PTPRF: variants seen among roughly 807,000 people sequenced by gnomAD.
PTPRF encodes the protein receptor-type tyrosine-protein phosphatase F.
PTPRF carries 59 observed loss-of-function variants against 201.8 expected under a neutral mutation model. The ratio of observed to expected loss-of-function variants is 0.29; its 90% confidence interval spans 0.24 to 0.36. PTPRF has a LOEUF of 0.36. PTPRF is among the 10% of genes least tolerant of loss of function. The pLI, the probability that PTPRF is intolerant of heterozygous loss-of-function variation, is 1.00. For missense variants in PTPRF, 2,132 were observed against 2,690.5 expected (o/e 0.79, Z 4.59); for synonymous variants, 1,088 against 1,089.7 (o/e 1.00, Z 0.03).
chr1:43,617,363 C>T (rs746622550), intron 23 of PTPRF, 82 bp from the exon 24 acceptor site: 21 of 1,573,838 alleles, frequency 1.3e-5, no homozygotes, highest in Middle Eastern at 2.0e-4. Flanking sequence ...TGAGCATCAC[C>T]GGGAAGGCTG....
chr1:43,590,930 T>C (rs1254906315), intron 8 of PTPRF, 42 bp from the exon 9 acceptor site: 1 of 1,544,100 alleles, frequency 6.5e-7, no homozygotes, highest in Admixed American at 1.8e-5. Flanking sequence ...TTCCTAAGGA[T>C]CTTGACCTCG....
chr1:43,603,098 C>G lies in PTPRF; in HGVS notation c.2341-318C>G, dbSNP rs1322937373. ...GTGCTGGGTGCGTGCGAGGCTGTGCCCTGTTGATATCCTCAGTCTCCGTTC... is the reference window on the plus strand; with the variant it reads ...GTGCTGGGTGCGTGCGAGGCTGTGCGCTGTTGATATCCTCAGTCTCCGTTC... On this transcript the variant is annotated intron_variant, in intron 14 of 33. Transcript: ENST00000359947. This position sits in a 1 kb window ranked among gnomAD's most constrained non-coding sequence, Gnocchi z 5.8. Among the ~76,000 whole-genome samples, 3 of 152,154 alleles carry G rather than the reference C, an allele frequency of 2.0e-5. No individual in the cohort carries two copies. Among genetic ancestry groups the G allele is most frequent in the African/African-American group, 7.2e-5 (3 of 41,434 alleles).
At chr1:43,564,490 C>G in intron 5 of PTPRF, among the ~76,000 whole-genome samples, 1 of 152,190 alleles carries the variant, frequency 6.6e-6, no homozygotes, top group East Asian at 1.9e-4. Context: ...TGCACCGCCT[C>G]TGGATCTGCT....
intron 2 of PTPRF, among the ~76,000 whole-genome samples, chr1:43,544,073 C>T (rs1245533651): frequency 2.0e-5 from 3 of 152,202 alleles, no homozygotes; most frequent in Non-Finnish European, 4.4e-5. Context: ...CCTGCAGGCA[C>T]TTCAGGCCAG....
intron 2 of PTPRF, among the ~76,000 whole-genome samples, chr1:43,540,793 G>T (rs1286318540): frequency 2.0e-5 from 3 of 152,340 alleles, no homozygotes; most frequent in African/African-American, 7.2e-5. Context: ...AGGGAAGGCG[G>T]CCTCACCCTC....
chr1:43,609,568 C>A, intron 22 of PTPRF, 70 bp downstream of exon 22: 1 of 1,176,286 alleles, frequency 8.5e-7, no homozygotes. Context: ...TTCTGCAGGT[C>A]TCAGGGTCGC....
At chr1:43,599,060 C>T in intron 13 of PTPRF, 147 bp downstream of exon 13, 1 of 866,442 alleles carries the variant, frequency 1.2e-6, no homozygotes, top group Non-Finnish European at 1.7e-6. Flanking sequence ...ACCCGAGATG[C>T]TTTGCAGCAT....
chr1:43,533,072 T>G (rs1570862689), intron 1 of PTPRF, among the ~76,000 whole-genome samples: 1 of 152,246 alleles, frequency 6.6e-6, no homozygotes, highest in African/African-American at 2.4e-5. Flanking sequence ...TTATTTGAAA[T>G]GTCTTTATAG....
chr1:43,607,005 T>A, intron 21 of PTPRF, 37 bp downstream of exon 21: 1 of 1,606,488 alleles, frequency 6.2e-7, no homozygotes, highest in South Asian at 1.1e-5. Context: ...AACGGCCACC[T>A]GCCCCTCGCC....
chr1:43,546,825 C>T lies in PTPRF; in HGVS notation c.91+1659C>T, dbSNP rs1644706290. Among the ~76,000 whole-genome samples the T allele has an allele frequency of 6.6e-6, 1 of 152,220 alleles. No individual in the cohort carries two copies. Among genetic ancestry groups the T allele is most frequent in the Non-Finnish European group, 1.5e-5 (1 of 68,036 alleles). ...AGTCAGAACCTGGGCCTCCTCCAGC[C>T]TCCTCCCTCCGTGATATCCCACATC... On this transcript the variant is annotated intron_variant, in intron 3 of 33. Transcript: ENST00000359947. This position sits in a 1 kb window ranked among gnomAD's most constrained non-coding sequence, Gnocchi z 4.2.
intron 1 of PTPRF, among the ~76,000 whole-genome samples, chr1:43,531,788 C>T (rs935792691): frequency 2.0e-5 from 3 of 152,128 alleles, no homozygotes; most frequent in Admixed American, 1.3e-4. Flanking sequence ...GAGGACGTGG[C>T]CACTCGGACC....
At chr1:43,615,813 A>C (rs375456153) in intron 23 of PTPRF, among the ~76,000 whole-genome samples, 1 of 151,768 alleles carries the variant, frequency 6.6e-6, no homozygotes, top group South Asian at 2.1e-4. Context: ...TGATCCGCCC[A>C]CCTTGGCCTC....
intron 1 of PTPRF, among the ~76,000 whole-genome samples, chr1:43,532,774 G>A (rs1643721889): frequency 6.6e-6 from 1 of 152,118 alleles, no homozygotes; most frequent in Non-Finnish European, 1.5e-5. Context: ...AGAAGGAGCA[G>A]GTGTAACTCC....
At chr1:43,581,345 G>C (rs986711857) in intron 7 of PTPRF, among the ~76,000 whole-genome samples, 9 of 152,290 alleles carry the variant, frequency 5.9e-5, no homozygotes, top group Middle Eastern at 3.4e-3. Flanking sequence ...CCTGACTTCT[G>C]TTGTCTCTCT....
In PTPRF at chr1:43,619,712, C is replaced by T. The variant is rs146317994; in HGVS notation, c.4965C>T (p.Arg1655=). 3 of 1,614,114 alleles carry T rather than the reference C, an allele frequency of 1.9e-6. No individual in the cohort carries two copies. In the African/African-American group the frequency reaches 4.0e-5, roughly 22 times the overall value. The change falls in exon 29 of 34, where the codon CGC becomes CGT. Residue 1655 remains arginine (R), a synonymous_variant. Coordinates refer to ENST00000359947, the MANE Select transcript of PTPRF (RefSeq NM_002840.5). ...CCAGCTCCAAGGCCCACACGTCCCG[C>T]TTCATCAGCGCCAACCTGCCCTGCA... ...LLASSKAHTS[R]FISANLPCNK... is the part of the protein sequence containing the mutation.
intron 5 of PTPRF, among the ~76,000 whole-genome samples, chr1:43,556,544 C>T (rs1018777617): frequency 2.0e-5 from 3 of 152,208 alleles, no homozygotes; most frequent in Non-Finnish European, 2.9e-5. Context: ...TGAGGCACTG[C>T]GTCCAGTGTC....
At chr1:43,560,080 G>A (rs915331750) in intron 5 of PTPRF, among the ~76,000 whole-genome samples, 2 of 150,804 alleles carry the variant, frequency 1.3e-5, no homozygotes, top group African/African-American at 4.9e-5. Context: ...TGCATGGTAT[G>A]TACAGCAGAT....
At chr1:43,564,553 C>G (rs942046054) in intron 5 of PTPRF, among the ~76,000 whole-genome samples, 12 of 152,280 alleles carry the variant, frequency 7.9e-5, no homozygotes, top group African/African-American at 2.4e-4. Flanking sequence ...CCTCCACATG[C>G]ACATGTAGGT....
rs768005633 is a variant in PTPRF, at chr1:43,617,547, G to A, written c.4174G>A (p.Val1392Ile). ...ANVIAYDHSRVILTSIDGVPG... is the reference protein window; with the variant it reads ...ANVIAYDHSRIILTSIDGVPG... ...TGTCATCGCCTACGACCACTCTCGA[G>A]TCATCCTTACCTCTATCGATGGTGA... is the stretch of plus-strand genomic sequence containing the variant. The change falls in exon 24 of 34, where the codon GTC becomes ATC. Residue 1392 changes from valine to isoleucine, a missense_variant. This residue lies in a region of PTPRF where 818 missense variants were observed against 915.3 expected (regional missense o/e 0.89). Coordinates refer to ENST00000359947, the MANE Select transcript of PTPRF (RefSeq NM_002840.5). 1.9e-6 allele frequency: 3 copies of A among 1,614,018 alleles called. No individual in the cohort carries two copies. The highest frequency in any genetic ancestry group is 1.1e-5 in the South Asian group (1 of 91,076).
Sources: allele counts gnomAD v4.1 joint callset (sites outside exome capture counted in the v4.1 genomes callset), GRCh38; gene constraint gnomAD v4.1.1; regional missense constraint gnomAD v4.1.1; non-coding constraint Gnocchi (gnomAD v3.1); transcripts MANE v1.5; gene names NCBI Gene and HGNC (gene_info 2026-07-23, HGNC 2026-07-21).